The following CNTN1 variants were observed in gnomAD, a reference collection of about 807,000 sequenced individuals.
The protein encoded by CNTN1 is contactin 1, also known as contactin-1.
Under a neutral mutation model 126.4 loss-of-function variants are expected in CNTN1, and 38 were observed. The observed-to-expected ratio is 0.30, with a 90% CI of 0.23 to 0.39. The LOEUF (loss-of-function observed/expected upper bound fraction) is 0.39. Among genes scored for constraint, CNTN1 ranks in the 10% least tolerant of loss-of-function variants. The pLI is 1.00. For missense variants in CNTN1, 1,009 were observed against 1,248.4 expected (o/e 0.81, Z 2.89); for synonymous variants, 413 against 422.6 (o/e 0.98, Z 0.28).
intron 1 of CNTN1, among the ~76,000 whole-genome samples, chr12:40,859,112 T>C (rs558539071): frequency 6.6e-6 from 1 of 152,160 alleles, no homozygotes; most frequent in East Asian, 1.9e-4. Context: ...CTGCACGTCC[T>C]ACACATGTAC....
At chr12:40,896,245 A>C (rs1272097316) in intron 1 of CNTN1, 1 of 152,238 alleles carries the variant, frequency 6.6e-6, no homozygotes, top group African/African-American at 2.4e-5. Context: ...CACACTGTGC[A>C]AAGTATTTAA....
chr12:40,751,040 A>G (rs1412857206), intron 1 of CNTN1, among the ~76,000 whole-genome samples: 1 of 152,148 alleles, frequency 6.6e-6, no homozygotes, highest in African/African-American at 2.4e-5. Context: ...AAAGATGGGT[A>G]AAGAAAAGTA....
chr12:40,923,274 A>G (rs1412639726), intron 5 of CNTN1, among the ~76,000 whole-genome samples: 1 of 152,170 alleles, frequency 6.6e-6, no homozygotes, highest in Non-Finnish European at 1.5e-5. Flanking sequence ...GCTAAAAATT[A>G]GAGGTTGTTT....
At chr12:40,947,782 T>TATACAC (rs869205213) in intron 14 of CNTN1, among the ~76,000 whole-genome samples, 119 of 118,902 alleles carry the variant, frequency 1.0e-3, no homozygotes, top group Non-Finnish European at 1.7e-3. Flanking sequence ...TATATATATA[T>TATACAC]ACACACACAC....
At chr12:40,783,669 T>A (rs752908297) in intron 1 of CNTN1, among the ~76,000 whole-genome samples, 29 of 152,108 alleles carry the variant, frequency 1.9e-4, no homozygotes, top group Admixed American at 1.4e-3. Context: ...AAACAACTTG[T>A]ATTTTAGAAT....
chr12:40,894,153 A>G (rs1944327030), intron 1 of CNTN1, among the ~76,000 whole-genome samples: 1 of 152,090 alleles, frequency 6.6e-6, no homozygotes, highest in Non-Finnish European at 1.5e-5. Context: ...TGGATCTGTT[A>G]AATCCCTAGG....
At chr12:40,776,827 A>G (rs1214437132) in intron 1 of CNTN1, among the ~76,000 whole-genome samples, 1 of 151,772 alleles carries the variant, frequency 6.6e-6, no homozygotes, top group African/African-American at 2.4e-5. Context: ...CGACACACTT[A>G]AGAAACTCTT....
chr12:40,902,058 T>A (rs1052065391), intron 1 of CNTN1, among the ~76,000 whole-genome samples: 1 of 152,224 alleles, frequency 6.6e-6, no homozygotes, highest in Non-Finnish European at 1.5e-5. Flanking sequence ...ATTGACTTTG[T>A]ATTTCATTGT....
intron 15 of CNTN1, chr12:40,971,920 A>C (rs1451707811): frequency 1.1e-5 from 11 of 1,037,900 alleles, no homozygotes; most frequent in Non-Finnish European, 1.3e-5. Flanking sequence ...GTAATGAACA[A>C]TGTTGTCAAA....
chr12:41,018,142 G>T (rs906318762), intron 19 of CNTN1, among the ~76,000 whole-genome samples: 1 of 151,948 alleles, frequency 6.6e-6, no homozygotes, highest in African/African-American at 2.4e-5. Flanking sequence ...CATGTGCACT[G>T]TGTAAATAAT....
chr12:40,703,871 T>C (rs1941665259), intron 1 of CNTN1, among the ~76,000 whole-genome samples: 1 of 152,100 alleles, frequency 6.6e-6, no homozygotes, highest in African/African-American at 2.4e-5. Context: ...GATACAGTAA[T>C]GATTAAGTGA....
intron 1 of CNTN1, among the ~76,000 whole-genome samples, chr12:40,841,670 C>T (rs1950511920): frequency 8.3e-6 from 1 of 119,970 alleles, no homozygotes. Context: ...GAATTGGGGA[C>T]AAAAACCATA....
At chr12:40,986,146 A>G (rs1947949779) in intron 16 of CNTN1, among the ~76,000 whole-genome samples, 1 of 152,146 alleles carries the variant, frequency 6.6e-6, no homozygotes, top group Non-Finnish European at 1.5e-5. Flanking sequence ...ATTTTTACAT[A>G]CTTAACATAG....
At chr12:40,744,809 C>A (rs1339795276) in intron 1 of CNTN1, among the ~76,000 whole-genome samples, 2 of 152,220 alleles carry the variant, frequency 1.3e-5, no homozygotes, top group East Asian at 3.9e-4. Flanking sequence ...GAAGGGAGAT[C>A]TTTTGGTGCA....
intron 16 of CNTN1, among the ~76,000 whole-genome samples, chr12:40,990,618 T>A (rs564377256): frequency 2.6e-5 from 4 of 152,194 alleles, no homozygotes; most frequent in Admixed American, 6.5e-5. Flanking sequence ...TTTATGAAAA[T>A]GTCTTCCATT....
chr12:41,071,570 A>C lies in CNTN1; in HGVS notation c.*1535A>C, dbSNP rs1950160616. On this transcript the variant is annotated 3_prime_UTR_variant, in exon 24 of 24. Coordinates refer to ENST00000551295, the MANE Select transcript of CNTN1 (RefSeq NM_001843.4). Reference sequence around the variant, plus strand: ...TTACCCCCTTTCTTTAATTTGTATAATTTTTGTACTATATATCGATGTGTA... The same window carrying C: ...TTACCCCCTTTCTTTAATTTGTATACTTTTTGTACTATATATCGATGTGTA... 6.6e-6 allele frequency: 1 copy of C among 152,136 alleles called. No individual in the cohort carries two copies. The highest frequency in any genetic ancestry group is 1.5e-5 in the Non-Finnish European group (1 of 68,008). The allele number at this position is 152,136 out of a possible 1,614,324, so 9.4% of individuals were successfully genotyped here.
At chr12:40,772,386 A>T (rs1939376402) in intron 1 of CNTN1, among the ~76,000 whole-genome samples, 1 of 152,004 alleles carries the variant, frequency 6.6e-6, no homozygotes, top group African/African-American at 2.4e-5. Flanking sequence ...TAAGTTACCT[A>T]GAGGAATTTT....
chr12:41,004,652 A>AT (rs1259569395), intron 17 of CNTN1, among the ~76,000 whole-genome samples: 1 of 151,956 alleles, frequency 6.6e-6, no homozygotes, highest in African/African-American at 2.4e-5. Context: ...TTATAGTTAG[A>AT]TTTTCTTGTT....
chr12:40,730,702 G>A (rs1942475865), intron 1 of CNTN1, among the ~76,000 whole-genome samples: 1 of 152,138 alleles, frequency 6.6e-6, no homozygotes, highest in African/African-American at 2.4e-5. Flanking sequence ...TCATACCACT[G>A]ACATGTTATA....
Sources: gnomAD v4.1 joint callset for allele counts (sites outside exome capture counted in the v4.1 genomes callset) on GRCh38, gnomAD v4.1.1 for gene constraint, MANE v1.5 for transcripts, NCBI Gene and HGNC (gene_info 2026-07-23, HGNC 2026-07-21) for gene names.